Variants in CSMD1 observed in about 807,000 individuals in gnomAD.
CSMD1 encodes CUB and sushi domain-containing protein 1.
CSMD1 carries 213 observed loss-of-function variants against 417.5 expected under a neutral mutation model. That is an observed-to-expected ratio of 0.51 (90% CI 0.46 to 0.57). CSMD1 has a LOEUF of 0.57. Among genes scored for constraint, CSMD1 ranks in the 20% least tolerant of loss-of-function variants. CSMD1 has a pLI of 0.00. For synonymous variants in CSMD1, 2,862 were observed against 1,736.8 expected, an observed-to-expected ratio of 1.65 and a Z score of -16.11; for missense variants, 6,923 against 4,529.7, an observed-to-expected ratio of 1.53 and a Z score of -15.17.
intron 2 of CSMD1, among the ~76,000 whole-genome samples, chr8:4,533,784 G>A (rs1796956526): frequency 6.6e-6 from 1 of 151,540 alleles, no homozygotes; most frequent in Non-Finnish European, 1.5e-5. Flanking sequence ...AAAGTACACT[G>A]TAATTTTTCT....
chr8:4,751,999 C>G (rs1811363951), intron 1 of CSMD1, among the ~76,000 whole-genome samples: 3 of 152,062 alleles, frequency 2.0e-5, no homozygotes, highest in Admixed American at 2.0e-4. Flanking sequence ...TGCGTGTATA[C>G]ACAAAATACT....
intron 3 of CSMD1, among the ~76,000 whole-genome samples, chr8:4,210,782 A>T (rs1169098647): frequency 6.6e-6 from 1 of 152,202 alleles, no homozygotes; most frequent in Non-Finnish European, 1.5e-5. Context: ...TCAATGAGTA[A>T]ATACGAGCAT....
At chr8:3,157,449 G>C (rs1819605075) in intron 39 of CSMD1, among the ~76,000 whole-genome samples, 1 of 152,154 alleles carries the variant, frequency 6.6e-6, no homozygotes, top group African/African-American at 2.4e-5. Context: ...ATAGTCACCA[G>C]GCTGTTTCCA....
At chr8:4,275,700 T>C (rs921173027) in intron 3 of CSMD1, among the ~76,000 whole-genome samples, 1 of 152,228 alleles carries the variant, frequency 6.6e-6, no homozygotes. Flanking sequence ...TTAGTGATAA[T>C]ACTCAGTGTG....
chr8:3,969,828 A>G (rs997462057), intron 5 of CSMD1, among the ~76,000 whole-genome samples: 1 of 152,202 alleles, frequency 6.6e-6, no homozygotes, highest in African/African-American at 2.4e-5. Flanking sequence ...GAGATTTTTA[A>G]ATGAAGTATC....
chr8:3,485,402 G>A (rs1020254499), intron 11 of CSMD1, among the ~76,000 whole-genome samples: 2 of 151,940 alleles, frequency 1.3e-5, no homozygotes, highest in African/African-American at 4.8e-5. Flanking sequence ...TAGAAAACAG[G>A]GAGTTGGCTA....
chr8:3,968,112 G>C (rs200191067), intron 5 of CSMD1, among the ~76,000 whole-genome samples: 3 of 151,532 alleles, frequency 2.0e-5, no homozygotes, highest in African/African-American at 4.9e-5. Context: ...GCGTGAACCC[G>C]GGAGGCAGAG....
intron 2 of CSMD1, among the ~76,000 whole-genome samples, chr8:4,563,258 G>C (rs923574028): frequency 6.6e-5 from 10 of 152,020 alleles, no homozygotes; most frequent in Non-Finnish European, 1.2e-4. Context: ...AAAATTAGCC[G>C]GACATGGTGG....
chr8:4,129,022 G>C (rs1170593945), intron 3 of CSMD1, among the ~76,000 whole-genome samples: 1 of 137,778 alleles, frequency 7.3e-6, no homozygotes, highest in East Asian at 2.2e-4. Context: ...GCTGCAGTAA[G>C]CCGAGATCGC....
intron 5 of CSMD1, among the ~76,000 whole-genome samples, chr8:3,783,645 A>C (rs918725393): frequency 6.6e-6 from 1 of 152,222 alleles, no homozygotes; most frequent in Admixed American, 6.5e-5. Flanking sequence ...CTGCATGTCC[A>C]TAAAACATGG....
chr8:4,285,277 T>C (rs1338103825), intron 3 of CSMD1, among the ~76,000 whole-genome samples: 1 of 152,312 alleles, frequency 6.6e-6, no homozygotes, highest in Non-Finnish European at 1.5e-5. Context: ...GCCATTTCGT[T>C]CTTGCTTAAA....
intron 1 of CSMD1, among the ~76,000 whole-genome samples, chr8:4,836,653 T>C (rs1048211699): frequency 7.2e-5 from 11 of 152,210 alleles, no homozygotes; most frequent in African/African-American, 2.4e-4. Flanking sequence ...CAGTACTTAA[T>C]GATGCTTTGA....
In CSMD1 at chr8:4,768,524, T is replaced by G. The variant is rs183379378; in HGVS notation, c.86-130966A>C. On this transcript the variant is annotated intron_variant, in intron 1 of 69. Coordinates refer to ENST00000635120, the MANE Select transcript of CSMD1 (RefSeq NM_033225.6). ...AGCTGAGTTATTTGGGATGAAACTC[T>G]GTGGTAATCATTTGTTTGAGCCTCT... 2.0e-5 allele frequency among the ~76,000 whole-genome samples: 3 copies of G among 152,338 alleles called. No homozygotes were observed. The East Asian group carries it at 5.8e-4, about 29-fold the overall frequency.
chr8:3,017,710 T>C (rs1435543407), intron 52 of CSMD1, among the ~76,000 whole-genome samples: 1 of 151,804 alleles, frequency 6.6e-6, no homozygotes, highest in African/African-American at 2.4e-5. Context: ...GTTTTGCTAT[T>C]TGAAGTTTAC....
Position 3,393,939 on chromosome 8 carries a change from G to A in CSMD1, c.2593+2255C>T, listed in dbSNP as rs575035891. 1.0e-4 allele frequency among the ~76,000 whole-genome samples: 14 copies of A among 139,554 alleles called. No homozygotes were observed. In the East Asian group the frequency reaches 3.1e-3, roughly 30 times the overall value. The allele number at this position is 139,554 out of a possible 152,430, so 91.6% of individuals were successfully genotyped here. A position where few individuals can be genotyped will look rare whatever the true frequency, so the allele number is the denominator to read the frequency against. ...ACCAACATGGCACATGTATACATAT[G>A]TAACAAACCTGCACGTTGTGCACAT... On this transcript the variant is annotated intron_variant, in intron 17 of 69. Transcript: ENST00000635120.
intron 3 of CSMD1, among the ~76,000 whole-genome samples, chr8:4,372,821 T>A (rs546340952): frequency 1.3e-5 from 2 of 151,550 alleles, no homozygotes; most frequent in African/African-American, 4.8e-5. Context: ...AAAAATAAAA[T>A]AGGAAGAAAG....
intron 3 of CSMD1, among the ~76,000 whole-genome samples, chr8:4,059,953 A>G (rs971945555): frequency 6.6e-6 from 1 of 152,204 alleles, no homozygotes. Context: ...TGAGGCCAGC[A>G]TCATCCTGAT....
At chr8:4,494,341 A>C (rs1563231203) in intron 2 of CSMD1, among the ~76,000 whole-genome samples, 1 of 152,210 alleles carries the variant, frequency 6.6e-6, no homozygotes. Context: ...GGTAAATTGC[A>C]ATTGCTCAGT....
intron 2 of CSMD1, among the ~76,000 whole-genome samples, chr8:4,465,922 G>A (rs1427475450): frequency 3.3e-5 from 5 of 152,142 alleles, no homozygotes; most frequent in African/African-American, 9.7e-5. Context: ...CATAGAAGAA[G>A]GAAAAGTCAG....
Sources: gnomAD v4.1 joint callset for allele counts (sites outside exome capture counted in the v4.1 genomes callset) on GRCh38, gnomAD v4.1.1 for gene constraint, MANE v1.5 for transcripts, NCBI Gene and HGNC (gene_info 2026-07-23, HGNC 2026-07-21) for gene names.